Variants in CCNY observed in about 807,000 individuals in gnomAD.
The protein encoded by CCNY is cyclin Y.
A neutral mutation model predicts 42.8 loss-of-function variants in CCNY; 19 were observed. The ratio of observed to expected loss-of-function variants is 0.44; its 90% CI spans 0.31 to 0.65. CCNY has a LOEUF of 0.65. Ranked by LOEUF, CCNY falls within the 30% of genes least tolerant of loss-of-function variation. The pLI, the probability that CCNY is intolerant of heterozygous loss-of-function variation, is 0.07. For synonymous variants in CCNY, 165 were observed against 162.7 expected, an observed-to-expected ratio of 1.01 and a Z score of -0.11; for missense variants, 370 against 437.3, an observed-to-expected ratio of 0.85 and a Z score of 1.37.
At position 35,336,564 on chromosome 10, in the gene CCNY, C is replaced by G. The variant is rs1032236875; in HGVS notation, c.-490C>G. On this transcript the variant is annotated 5_prime_UTR_variant, in exon 1 of 10. Transcript: ENST00000374704. ...GAGGAGTCCGGGGGCTGCGCCCACGCCCGCTGCCCGCCCGCTCGTCGGCTA... is the reference window on the plus strand; with the variant it reads ...GAGGAGTCCGGGGGCTGCGCCCACGGCCGCTGCCCGCCCGCTCGTCGGCTA... 1.3e-5 allele frequency among the ~76,000 whole-genome samples: 2 copies of G among 148,828 alleles called. No homozygotes were observed. Among genetic ancestry groups the G allele is most frequent in the Non-Finnish European group, 3.0e-5 (2 of 66,764 alleles).
At chr10:35,513,970 T>TA (rs1381607071) in intron 3 of CCNY, among the ~76,000 whole-genome samples, 1 of 149,790 alleles carries the variant, frequency 6.7e-6, no homozygotes, top group Non-Finnish European at 1.5e-5. Flanking sequence ...CTGTGAGTGA[T>TA]ACACCTCTGC....
chr10:35,295,521 C>T (rs1458113014), intron 3 of CCNY, among the ~76,000 whole-genome samples: 6 of 152,142 alleles, frequency 3.9e-5, no homozygotes, highest in Non-Finnish European at 5.9e-5. Flanking sequence ...CTTGAGCCAC[C>T]GCCCCCAGCC....
chr10:35,284,165 G>A (rs1178095669), intron 3 of CCNY, among the ~76,000 whole-genome samples: 2 of 152,206 alleles, frequency 1.3e-5, no homozygotes, highest in African/African-American at 4.8e-5. Flanking sequence ...TATTTCAAGT[G>A]TGTAGTCTGA....
chr10:35,324,573 C>T (rs922607690), intron 3 of CCNY, among the ~76,000 whole-genome samples: 16 of 152,094 alleles, frequency 1.1e-4, no homozygotes, highest in South Asian at 2.1e-4. Context: ...TTTGTAAGCA[C>T]GGAATTGCCA....
intron 4 of CCNY, among the ~76,000 whole-genome samples, chr10:35,522,454 G>A (rs1840568569): frequency 6.6e-6 from 1 of 152,142 alleles, no homozygotes; most frequent in South Asian, 2.1e-4. Flanking sequence ...ATTCTCCTGG[G>A]AGCTGCCTTT....
chr10:35,256,985 T>A (rs559478317), intron 3 of CCNY, among the ~76,000 whole-genome samples: 5 of 152,288 alleles, frequency 3.3e-5, no homozygotes, highest in Admixed American at 6.5e-5. Context: ...GACTATCATA[T>A]AGTCTATCAT....
intron 1 of CCNY, among the ~76,000 whole-genome samples, chr10:35,409,140 T>C (rs1181947004): frequency 6.6e-6 from 1 of 151,754 alleles, no homozygotes; most frequent in Non-Finnish European, 1.5e-5. Context: ...CAACCAGGAG[T>C]TGTCAAGCTC....
chr10:35,387,806 G>A (rs917650253), intron 1 of CCNY, among the ~76,000 whole-genome samples: 1 of 152,190 alleles, frequency 6.6e-6, no homozygotes, highest in Non-Finnish European at 1.5e-5. Context: ...CAAGATCCAC[G>A]TAAGAATATT....
chr10:35,265,750 C>T (rs1160239173), intron 3 of CCNY, among the ~76,000 whole-genome samples: 1 of 152,202 alleles, frequency 6.6e-6, no homozygotes, highest in Non-Finnish European at 1.5e-5. Context: ...GGGGGCTTTT[C>T]AGGGAATGGC....
chr10:35,404,692 C>G (rs1298960364), intron 1 of CCNY, among the ~76,000 whole-genome samples: 1 of 152,048 alleles, frequency 6.6e-6, no homozygotes, highest in Non-Finnish European at 1.5e-5. Context: ...AGTATCCAAA[C>G]ATGCCCAGGA....
At chr10:35,273,189 C>G (rs1034195301) in intron 3 of CCNY, among the ~76,000 whole-genome samples, 7 of 151,752 alleles carry the variant, frequency 4.6e-5, no homozygotes, top group Non-Finnish European at 8.8e-5. Flanking sequence ...CCTCCTCATC[C>G]TCCTCATTCT....
intron 3 of CCNY, 110 bp from the exon 4 acceptor site, chr10:35,516,413 T>C (rs1840426604): frequency 1.4e-6 from 1 of 727,506 alleles, no homozygotes; most frequent in African/African-American, 1.8e-5. Context: ...CATTTCTTGC[T>C]AAGACATTTT....
At chr10:35,490,045 C>T (rs911136436) in intron 2 of CCNY, among the ~76,000 whole-genome samples, 2 of 152,144 alleles carry the variant, frequency 1.3e-5, no homozygotes, top group Non-Finnish European at 2.9e-5. Flanking sequence ...AGGTCTTCAG[C>T]GTATCGTGAT....
At chr10:35,266,249 C>CTTTTTTTT (rs773886027) in intron 3 of CCNY, among the ~76,000 whole-genome samples, 46 of 110,112 alleles carry the variant, frequency 4.2e-4, no homozygotes, top group African/African-American at 7.1e-4. Flanking sequence ...GGCTAATTTC[C>CTTTTTTTT]TTTTTTTTTT....
intron 3 of CCNY, among the ~76,000 whole-genome samples, chr10:35,321,772 G>C (rs932962271): frequency 3.3e-5 from 5 of 152,024 alleles, no homozygotes. Flanking sequence ...TTTTGAAAAA[G>C]AACAACAAAG....
intron 5 of CCNY, among the ~76,000 whole-genome samples, chr10:35,528,288 T>G (rs1840693383): frequency 6.6e-6 from 1 of 152,228 alleles, no homozygotes; most frequent in South Asian, 2.1e-4. Context: ...AAGCTGCTTT[T>G]TGCTCACAGA....
intron 1 of CCNY, among the ~76,000 whole-genome samples, chr10:35,337,728 T>C (rs569194068): frequency 3.1e-5 from 4 of 130,626 alleles, no homozygotes; most frequent in Non-Finnish European, 6.6e-5. Context: ...GTTCCCATTC[T>C]ACCGTTTTTT....
chr10:35,367,208 A>G (rs561716467), intron 1 of CCNY, among the ~76,000 whole-genome samples: 82 of 152,200 alleles, frequency 5.4e-4, no homozygotes, highest in Admixed American at 1.2e-3. Flanking sequence ...GTTTTTAATG[A>G]CTGTAGAGTG....
At chr10:35,356,397 C>T (rs1298921079) in intron 1 of CCNY, among the ~76,000 whole-genome samples, 1 of 152,184 alleles carries the variant, frequency 6.6e-6, no homozygotes, top group African/African-American at 2.4e-5. Flanking sequence ...GAGACTGGTG[C>T]AGTGGTTTTG....
Sources: gnomAD v4.1 joint callset for allele counts (sites outside exome capture counted in the v4.1 genomes callset) on GRCh38, gnomAD v4.1.1 for gene constraint, MANE v1.5 for transcripts, NCBI Gene and HGNC (gene_info 2026-07-23, HGNC 2026-07-21) for gene names.